Variants in SORCS2 observed in about 807,000 individuals in gnomAD.
SORCS2 encodes sortilin related VPS10 domain containing receptor 2.
SORCS2 carries 100 observed loss-of-function variants against 141.6 expected under a neutral mutation model. The ratio of observed to expected loss-of-function variants is 0.71; its 90% confidence interval spans 0.60 to 0.83. SORCS2 has a LOEUF of 0.83. Ranked by LOEUF, SORCS2 falls within the 40% of genes least tolerant of loss-of-function variation. The pLI, the probability that SORCS2 is intolerant of heterozygous loss-of-function variation, is 0.00. For synonymous variants in SORCS2, 789 were observed against 676.9 expected (o/e 1.17, Z -2.57); for missense variants, 1,646 against 1,560.2 (o/e 1.05, Z -0.93).
Position 7,517,531 on chromosome 4 carries a change from G to A in SORCS2, c.549-13999G>A, listed in dbSNP as rs1234503728. Among the ~76,000 whole-genome samples, 3 of 152,122 alleles carry A rather than the reference G, an allele frequency of 2.0e-5. No homozygotes were observed. In the East Asian group the frequency reaches 5.8e-4, roughly 29 times the overall value. On this transcript the variant is annotated intron_variant, in intron 2 of 26. Transcript: ENST00000507866. ...GCAGAAACCGAATACAGTCAACAGT[G>A]CCTCGAAAAATCAGTTTAGAGTGTC...
At chr4:7,586,498 C>CCT (rs1419049981) in intron 3 of SORCS2, among the ~76,000 whole-genome samples, 6 of 152,114 alleles carry the variant, frequency 3.9e-5, no homozygotes, top group African/African-American at 1.4e-4. Context: ...TCCCAACAGG[C>CCT]CTCTATATGT....
At chr4:7,631,593 C>G (rs67364316) in intron 3 of SORCS2, among the ~76,000 whole-genome samples, 21,337 of 152,120 alleles carry the variant, frequency 0.14, 1,643 homozygotes, top group Non-Finnish European at 0.17. Flanking sequence ...GCTGCCCTGA[C>G]TAGTACACCT....
intron 1 of SORCS2, among the ~76,000 whole-genome samples, chr4:7,315,529 C>G (rs1718497429): frequency 7.0e-6 from 1 of 142,932 alleles, no homozygotes; most frequent in African/African-American, 2.5e-5. Flanking sequence ...CTGGAGTAGC[C>G]CAGGGTCTGG....
chr4:7,651,443 G>A (rs1050527679), intron 4 of SORCS2, among the ~76,000 whole-genome samples: 131 of 152,300 alleles, frequency 8.6e-4, no homozygotes, highest in African/African-American at 3.1e-3. Context: ...GAGAGAAGAG[G>A]AGGACAGACT....
chr4:7,253,725 G>T (rs1390667622), intron 1 of SORCS2, among the ~76,000 whole-genome samples: 1 of 152,218 alleles, frequency 6.6e-6, no homozygotes, highest in Non-Finnish European at 1.5e-5. Context: ...GGCCAGGGAG[G>T]ATGTGCTGGC....
chr4:7,729,750 G>A, intron 23 of SORCS2, 38 bp downstream of exon 23: 1 of 1,594,316 alleles, frequency 6.3e-7, no homozygotes, highest in South Asian at 1.1e-5. Flanking sequence ...GGTCCTCCCT[G>A]CACATCCCAG....
intron 3 of SORCS2, among the ~76,000 whole-genome samples, chr4:7,610,805 G>T (rs1718357469): frequency 6.6e-6 from 1 of 152,190 alleles, no homozygotes; most frequent in Admixed American, 6.5e-5. Context: ...TAAAGTCCCG[G>T]GAGCCAAGGT....
intron 1 of SORCS2, among the ~76,000 whole-genome samples, chr4:7,206,707 A>G (rs1238430280): frequency 6.6e-6 from 1 of 152,180 alleles, no homozygotes; most frequent in Non-Finnish European, 1.5e-5. Flanking sequence ...CCACGCCTCC[A>G]TGGTGGGGCC....
chr4:7,559,158 T>C (rs1226268231), intron 3 of SORCS2, among the ~76,000 whole-genome samples: 2 of 152,200 alleles, frequency 1.3e-5, no homozygotes, highest in African/African-American at 4.8e-5. Context: ...CACCCACTGC[T>C]GCACTCTGCC....
chr4:7,230,693 C>G lies in SORCS2; in HGVS notation c.480+37567C>G, dbSNP rs62289716. On this transcript the variant is annotated intron_variant, in intron 1 of 26. Coordinates refer to ENST00000507866, the MANE Select transcript of SORCS2 (RefSeq NM_020777.3). ...AAGTCTTCGAGTCTCTGGGCAGGAG[C>G]AGTGTCATGTGCTCATGTATGAAGG... is the stretch of plus-strand genomic sequence containing the variant. Among the ~76,000 whole-genome samples, 4 of 138,162 alleles carry G rather than the reference C, an allele frequency of 2.9e-5. No individual in the cohort carries two copies. The East Asian group carries it at 8.5e-4, about 29-fold the overall frequency. 90.6% of individuals were successfully genotyped at this position (138,162 alleles called of 152,430 possible). A position where few individuals can be genotyped will look rare whatever the true frequency, so the allele number is the denominator to read the frequency against.
chr4:7,557,755 G>A (rs1173199765), intron 3 of SORCS2, among the ~76,000 whole-genome samples: 1 of 152,200 alleles, frequency 6.6e-6, no homozygotes, highest in Non-Finnish European at 1.5e-5. Context: ...AAGGGGCAGT[G>A]GTTTGAGCTG....
intron 2 of SORCS2, among the ~76,000 whole-genome samples, chr4:7,527,602 T>C (rs1733777259): frequency 6.6e-6 from 1 of 152,178 alleles, no homozygotes; most frequent in African/African-American, 2.4e-5. Context: ...ACTCCTGCCC[T>C]CCAGAACTGT....
intron 1 of SORCS2, among the ~76,000 whole-genome samples, chr4:7,326,366 G>C (rs1387103066): frequency 6.6e-6 from 1 of 152,082 alleles, no homozygotes; most frequent in East Asian, 1.9e-4. Flanking sequence ...CTGTAAAGTG[G>C]GTACAGCAGT....
chr4:7,703,303 C>T lies in SORCS2; in HGVS notation c.1692C>T (p.Ile564=), dbSNP rs769945579. 1.2e-6 allele frequency: 2 copies of T among 1,613,022 alleles called. No homozygotes were observed. Among genetic ancestry groups the T allele is most frequent in the Non-Finnish European group, 1.7e-6 (2 of 1,179,556 alleles). The stretch of plus-strand genomic sequence containing the variant: ...AGGTGTTTGAGGAAGAGCATCACAT[C>T]CTGTACCTGGACCACGGCGGCGTGA... ...WRQVFEEEHH[I]LYLDHGGVIV... Residue 564 remains isoleucine, a synonymous_variant, in exon 13 of 27, where the codon ATC becomes ATT. Coordinates refer to ENST00000507866, the MANE Select transcript of SORCS2 (RefSeq NM_020777.3).
intron 1 of SORCS2, among the ~76,000 whole-genome samples, chr4:7,337,221 C>T (rs745861263): frequency 1.6e-4 from 24 of 152,120 alleles, no homozygotes; most frequent in Non-Finnish European, 2.5e-4. Context: ...TTACTCATGA[C>T]GATTAGTCAA....
chr4:7,480,072 TCC>T (rs1577633531), intron 2 of SORCS2, among the ~76,000 whole-genome samples: 1 of 151,140 alleles, frequency 6.6e-6, no homozygotes, highest in East Asian at 2.0e-4. Context: ...TGAGCTGAAC[TCC>T]TCCTTTGGGC....
At chr4:7,473,095 TTTG>T (rs35828573) in intron 2 of SORCS2, among the ~76,000 whole-genome samples, 27,145 of 152,026 alleles carry the variant, frequency 0.18, 2,436 homozygotes, top group Admixed American at 0.2. Context: ...ATTATTAATA[TTTG>T]TAATGTTAAA....
rs529262635 is a variant in SORCS2, at chr4:7,370,596, C to T, written c.481-25692C>T. ...CACATCAACACGCTCAATGATCTTCCAAAGAGAAATAACGTTGCCCATCAT... is the reference window on the plus strand; with the variant it reads ...CACATCAACACGCTCAATGATCTTCTAAAGAGAAATAACGTTGCCCATCAT... On this transcript the variant is annotated intron_variant, in intron 1 of 26. Transcript: ENST00000507866. Among the ~76,000 whole-genome samples the T allele has an allele frequency of 2.6e-5, 4 of 152,328 alleles. No individual in the cohort carries two copies. The South Asian group carries it at 8.3e-4, about 32-fold the overall frequency.
At chr4:7,646,293 A>C (rs1212648828) in intron 4 of SORCS2, among the ~76,000 whole-genome samples, 1 of 152,116 alleles carries the variant, frequency 6.6e-6, no homozygotes, top group African/African-American at 2.4e-5. Context: ...GGCTGGGAGG[A>C]CTTCAGGGGT....
Sources: gnomAD v4.1 joint callset for allele counts (sites outside exome capture counted in the v4.1 genomes callset) on GRCh38, gnomAD v4.1.1 for gene constraint, MANE v1.5 for transcripts, NCBI Gene and HGNC (gene_info 2026-07-23, HGNC 2026-07-21) for gene names.